LDLRAD4: variants seen among roughly 807,000 people sequenced by gnomAD.
LDLRAD4 encodes low-density lipoprotein receptor class A domain-containing protein 4.
Under a neutral mutation model 17.0 loss-of-function variants are expected in LDLRAD4, and 5 were observed. That is an observed-to-expected ratio of 0.29 (90% confidence interval 0.15 to 0.62). The LOEUF (loss-of-function observed/expected upper bound fraction) is 0.62, where lower values mean the gene tolerates loss of function less well. LDLRAD4 is among the 20% of genes least tolerant of loss of function. The probability of loss-of-function intolerance (pLI) is 0.84; values close to 1 mark genes in which losing one functional copy is unlikely to be tolerated. For missense variants in LDLRAD4, 340 were observed against 424.7 expected (o/e 0.80, Z 1.75); for synonymous variants, 168 against 171.8 (o/e 0.98, Z 0.17).
chr18:13,602,607 C>G (rs1173597471), intron 3 of LDLRAD4, among the ~76,000 whole-genome samples: 1 of 144,432 alleles, frequency 6.9e-6, no homozygotes, highest in African/African-American at 2.6e-5. Flanking sequence ...CAAGGAATTT[C>G]TAACTAATTT....
intron 3 of LDLRAD4, among the ~76,000 whole-genome samples, chr18:13,549,073 A>G (rs2094403763): frequency 6.6e-6 from 1 of 152,176 alleles, no homozygotes; most frequent in Admixed American, 6.5e-5. Flanking sequence ...TTTGTCACAA[A>G]TGGATGCTGG....
chr18:13,433,204 C>T (rs1265490419), intron 2 of LDLRAD4, among the ~76,000 whole-genome samples: 1 of 152,168 alleles, frequency 6.6e-6, no homozygotes, highest in African/African-American at 2.4e-5. Context: ...TAGATTTGAC[C>T]TCTTTGCTAT....
intron 1 of LDLRAD4, among the ~76,000 whole-genome samples, chr18:13,298,509 T>C (rs562368343): frequency 2.2e-5 from 3 of 134,778 alleles, no homozygotes; most frequent in South Asian, 2.6e-4. Context: ...GGAGCTGCTC[T>C]GGGCACGGTG....
At chr18:13,348,752 T>C (rs182754787) in intron 1 of LDLRAD4, among the ~76,000 whole-genome samples, 2 of 152,292 alleles carry the variant, frequency 1.3e-5, no homozygotes, top group African/African-American at 4.8e-5. Context: ...TTTGTTTACC[T>C]ACTCAAGCCT....
At chr18:13,550,293 G>C (rs1670696797) in intron 3 of LDLRAD4, among the ~76,000 whole-genome samples, 1 of 152,226 alleles carries the variant, frequency 6.6e-6, no homozygotes, top group Non-Finnish European at 1.5e-5. Context: ...CACTTCACAT[G>C]TAATAGGCAA....
chr18:13,525,242 G>A (rs537168817), intron 3 of LDLRAD4, among the ~76,000 whole-genome samples: 1 of 152,144 alleles, frequency 6.6e-6, no homozygotes, highest in African/African-American at 2.4e-5. Context: ...CAAGAGCTTG[G>A]GTGTCCCTAT....
chr18:13,225,946 A>G (rs2041759816), intron 1 of LDLRAD4, among the ~76,000 whole-genome samples: 1 of 151,990 alleles, frequency 6.6e-6, no homozygotes, highest in Non-Finnish European at 1.5e-5. Context: ...TGAGGCTGTT[A>G]CCGGTTTTCT....
intron 2 of LDLRAD4, among the ~76,000 whole-genome samples, chr18:13,392,880 A>G (rs1002824400): frequency 2.0e-5 from 3 of 152,242 alleles, no homozygotes; most frequent in Admixed American, 1.3e-4. Flanking sequence ...TATTTCGCTC[A>G]TAAAGGAGGA....
At chr18:13,363,116 G>A (rs1423380278) in intron 1 of LDLRAD4, among the ~76,000 whole-genome samples, 1 of 151,996 alleles carries the variant, frequency 6.6e-6, no homozygotes, top group Non-Finnish European at 1.5e-5. Flanking sequence ...GGATCACGAG[G>A]TCAGCAGATT....
intron 3 of LDLRAD4, chr18:13,612,280 G>C: frequency 2.0e-6 from 2 of 1,007,110 alleles, no homozygotes; most frequent in Non-Finnish European, 2.4e-6. Context: ...GGCCAAACCT[G>C]AGAAGTGCAG....
intron 4 of LDLRAD4, among the ~76,000 whole-genome samples, chr18:13,628,111 C>T (rs546452119): frequency 9.8e-5 from 15 of 152,310 alleles, no homozygotes; most frequent in African/African-American, 3.1e-4. Context: ...CTGTTCATTC[C>T]CACTGCGGCT....
rs912341208 is a variant in LDLRAD4, at chr18:13,633,275, G to T, written c.337-10084G>T. Reference sequence around the variant, plus strand: ...TTGGTCCATGGACGGCCACAGGCAGGCCCAGAAAAAGCATCCTAAGTTCTT... The same window carrying T: ...TTGGTCCATGGACGGCCACAGGCAGTCCCAGAAAAAGCATCCTAAGTTCTT... On this transcript the variant is annotated intron_variant, in intron 4 of 5. Coordinates refer to ENST00000359446, the Ensembl canonical transcript of LDLRAD4. 3.3e-5 allele frequency among the ~76,000 whole-genome samples: 5 copies of T among 152,246 alleles called. No individual in the cohort carries two copies. In the South Asian group the frequency reaches 1.0e-3, roughly 31 times the overall value.
intron 1 of LDLRAD4, among the ~76,000 whole-genome samples, chr18:13,296,592 T>TG (rs2046291475): frequency 1.4e-5 from 2 of 144,962 alleles, no homozygotes; most frequent in Non-Finnish European, 3.1e-5. Flanking sequence ...TTTTTTTTTT[T>TG]TAAAGAACTC....
intron 1 of LDLRAD4, among the ~76,000 whole-genome samples, chr18:13,333,452 A>T (rs2143808104): frequency 6.6e-6 from 1 of 152,244 alleles, no homozygotes; most frequent in Admixed American, 6.5e-5. Context: ...TCTTTTATGG[A>T]TCATGCCTTT....
chr18:13,476,200 T>A (rs967624494), intron 3 of LDLRAD4, among the ~76,000 whole-genome samples: 2 of 152,212 alleles, frequency 1.3e-5, no homozygotes, highest in South Asian at 2.1e-4. Context: ...CAAAGTCACG[T>A]TCAGGGGTCA....
At chr18:13,400,520 C>T (rs184766680) in intron 2 of LDLRAD4, among the ~76,000 whole-genome samples, 3 of 152,210 alleles carry the variant, frequency 2.0e-5, no homozygotes, top group African/African-American at 7.2e-5. Flanking sequence ...TTGTGCAGTC[C>T]GTGCACACAT....
intron 1 of LDLRAD4, among the ~76,000 whole-genome samples, chr18:13,371,633 T>G (rs1301007075): frequency 6.6e-6 from 1 of 151,834 alleles, no homozygotes. Context: ...GGCATGGTGG[T>G]GTACACCTGT....
intron 3 of LDLRAD4, chr18:13,486,320 A>G (rs1407260041): frequency 1.3e-5 from 2 of 152,238 alleles, no homozygotes; most frequent in Non-Finnish European, 2.9e-5. Flanking sequence ...CTGAAGTAAA[A>G]CAGTTTCCTT....
In LDLRAD4 at chr18:13,300,199, A is replaced by AGGTG. The variant is rs2046509753; in HGVS notation, c.-383+22012_-383+22015dup. Reference sequence around the variant, plus strand: ...GGAGAGCCGTGGTTCCAGGGCCAGCAGGTGCCTCCTTACAGTTGGAGTCTG... The same window carrying AGGTG: ...GGAGAGCCGTGGTTCCAGGGCCAGCAGGTGGGTGCCTCCTTACAGTTGGAGTCTG... On this transcript the variant is annotated intron_variant, in intron 1 of 5. Coordinates refer to ENST00000359446, the Ensembl canonical transcript of LDLRAD4. The surrounding 1 kb of genome is among the most constrained non-coding windows in gnomAD (Gnocchi z 4.2). Among the ~76,000 whole-genome samples the AGGTG allele has an allele frequency of 2.0e-5, 3 of 152,304 alleles. No homozygotes were observed. The South Asian group carries it at 6.2e-4, about 32-fold the overall frequency.
Sources: allele counts gnomAD v4.1 joint callset (sites outside exome capture counted in the v4.1 genomes callset), GRCh38; gene constraint gnomAD v4.1.1; non-coding constraint Gnocchi (gnomAD v3.1); transcripts MANE v1.5; gene names NCBI Gene and HGNC (gene_info 2026-07-23, HGNC 2026-07-21).